Variants in SUFU observed in about 807,000 individuals in gnomAD.
SUFU encodes the protein suppressor of fused homolog.
SUFU carries 7 observed loss-of-function variants against 58.9 expected under a neutral mutation model. The observed-to-expected ratio is 0.12, with a 90% CI of 0.07 to 0.22. The LOEUF (loss-of-function observed/expected upper bound fraction) is 0.22, where lower values mean the gene tolerates loss of function less well. SUFU is among the 10% of genes least tolerant of loss of function. The pLI, the probability that SUFU is intolerant of heterozygous loss-of-function variation, is 1.00. For missense variants in SUFU, 451 were observed against 641.3 expected (o/e 0.70, Z 3.20); for synonymous variants, 232 against 254.8 (o/e 0.91, Z 0.85).
At chr10:102,538,461 A>G (rs558840698) in intron 2 of SUFU, among the ~76,000 whole-genome samples, 29 of 152,156 alleles carry the variant, frequency 1.9e-4, no homozygotes, top group Non-Finnish European at 4.0e-4. Context: ...GTGCTGTTCT[A>G]AGTGTTTTCT....
chr10:102,540,717 A>AATATAT (rs35189970), intron 2 of SUFU, among the ~76,000 whole-genome samples: 1 of 149,442 alleles, frequency 6.7e-6, no homozygotes, highest in South Asian at 2.1e-4. Flanking sequence ...CTGCCTTTAA[A>AATATAT]ATATATATAT....
intron 7 of SUFU, among the ~76,000 whole-genome samples, chr10:102,598,002 T>G (rs2063481014): frequency 6.6e-6 from 1 of 152,380 alleles, no homozygotes; most frequent in South Asian, 2.1e-4. Flanking sequence ...CTTTGTCTAC[T>G]TCCTTTCTTC....
intron 8 of SUFU, among the ~76,000 whole-genome samples, chr10:102,612,858 A>G (rs1047555153): frequency 2.6e-5 from 4 of 152,142 alleles, no homozygotes; most frequent in African/African-American, 2.4e-5. Flanking sequence ...AGGCTTGACA[A>G]CAGAGCCTAC....
intron 3 of SUFU, among the ~76,000 whole-genome samples, chr10:102,576,564 C>T (rs1344037587): frequency 6.6e-6 from 1 of 152,126 alleles, no homozygotes; most frequent in African/African-American, 2.4e-5. Context: ...TTATTCATTC[C>T]TCCTTGTGAC....
chr10:102,595,584 T>A lies in SUFU; in HGVS notation c.756+1519T>A, dbSNP rs545613299. Among the ~76,000 whole-genome samples the A allele has an allele frequency of 1.2e-4, 4 of 33,280 alleles. No individual in the cohort carries two copies. The East Asian group carries it at 3.8e-3, about 32-fold the overall frequency. The allele number at this position is 33,280 out of a possible 152,430, so 21.8% of individuals were successfully genotyped here. A position where few individuals can be genotyped will look rare whatever the true frequency, so the allele number is the denominator to read the frequency against. ...AGTAGGGTAAACAGCTGTCCTTCCA[T>A]GCCAAGGGCTGTTCTTCCTAGTCTG... On this transcript the variant is annotated intron_variant, in intron 6 of 11. Transcript: ENST00000369902.
At chr10:102,588,004 C>CT (rs2063352052) in intron 3 of SUFU, among the ~76,000 whole-genome samples, 1 of 152,162 alleles carries the variant, frequency 6.6e-6, no homozygotes, top group South Asian at 2.1e-4. Context: ...GAAAGAGCTC[C>CT]AACTTTATCC....
At chr10:102,613,543 A>G (rs7908249) in intron 8 of SUFU, among the ~76,000 whole-genome samples, 68,995 of 152,170 alleles carry the variant, frequency 0.45, 16,041 homozygotes, top group East Asian at 0.67. Flanking sequence ...CTAGCCCCGC[A>G]ACGTGTGAGG....
chr10:102,617,507 C>A lies in SUFU; in HGVS notation c.1296+79C>A, dbSNP rs1285840525. 3.0e-5 allele frequency: 47 copies of A among 1,591,086 alleles called. No homozygotes were observed. Among genetic ancestry groups the A allele is most frequent in the Non-Finnish European group, 4.1e-5 (47 of 1,159,640 alleles). The stretch of plus-strand genomic sequence containing the variant: ...CCCCTCCTCTTCTCCCTTGGCAGCT[C>A]TTGATGGCACCCCTTCCTGGGGGGC... On this transcript the variant is annotated intron_variant, in intron 10 of 11. Coordinates refer to ENST00000369902, the MANE Select transcript of SUFU (RefSeq NM_016169.4). The surrounding 1 kb of genome is among the most constrained non-coding windows in gnomAD (Gnocchi z 4.4).
chr10:102,536,364 T>C lies in SUFU; in HGVS notation c.318-13606T>C, dbSNP rs1320174177. ...GTAGCCACTATAATAATTTTATTGC[T>C]TTTTTTTTTTTTTTTTTTGAGACAG... On this transcript the variant is annotated intron_variant, in intron 2 of 11. Coordinates refer to ENST00000369902, the MANE Select transcript of SUFU (RefSeq NM_016169.4). Among the ~76,000 whole-genome samples, 25 of 9,572 alleles carry C rather than the reference T, an allele frequency of 2.6e-3. No homozygotes were observed. The East Asian group carries it at 0.14, about 54-fold the overall frequency. The allele number at this position is 9,572 out of a possible 152,430, so 6.3% of individuals were successfully genotyped here. A position where few individuals can be genotyped will look rare whatever the true frequency, so the allele number is the denominator to read the frequency against.
At chr10:102,600,761 C>T (rs4917976) in intron 8 of SUFU, among the ~76,000 whole-genome samples, 68,943 of 152,018 alleles carry the variant, frequency 0.45, 16,035 homozygotes, top group East Asian at 0.68. Flanking sequence ...TGGGACCTGA[C>T]TGGAACTAGA....
At chr10:102,519,563 G>A (rs1236909686) in intron 2 of SUFU, among the ~76,000 whole-genome samples, 3 of 148,496 alleles carry the variant, frequency 2.0e-5, no homozygotes, top group Non-Finnish European at 3.0e-5. Context: ...CAACCTTATC[G>A]TAGTCATTTA....
At chr10:102,536,339 G>A (rs1285696573) in intron 2 of SUFU, among the ~76,000 whole-genome samples, 3 of 147,888 alleles carry the variant, frequency 2.0e-5, no homozygotes, top group East Asian at 4.0e-4. Context: ...TTATACTGTA[G>A]TAGCCACTAT....
chr10:102,553,756 C>T (rs1006174647), intron 3 of SUFU, among the ~76,000 whole-genome samples: 59 of 150,466 alleles, frequency 3.9e-4, no homozygotes, highest in South Asian at 1.1e-3. Context: ...AGCCACCGCG[C>T]CCGGCCACAA....
At chr10:102,615,680 C>T (rs564788408) in intron 9 of SUFU, among the ~76,000 whole-genome samples, 3 of 152,332 alleles carry the variant, frequency 2.0e-5, no homozygotes, top group Non-Finnish European at 2.9e-5. Context: ...CAGCCAGTCG[C>T]CCCCATGTCA....
At chr10:102,520,242 A>C (rs1274296124) in intron 2 of SUFU, among the ~76,000 whole-genome samples, 1 of 109,648 alleles carries the variant, frequency 9.1e-6, no homozygotes. Context: ...TTTGAGGCAG[A>C]GTTTCACTCT....
chr10:102,627,195 T>C lies in SUFU; in HGVS notation c.1317T>C (p.Phe439=), dbSNP rs748603932. 6 of 1,614,230 alleles carry C rather than the reference T, an allele frequency of 3.7e-6. No homozygotes were observed. In the Admixed American group the frequency reaches 8.3e-5, roughly 22 times the overall value. ...CACAGATTCTGTTGACCGAAGAGTT[T>C]GTAGAGAAAATGTTGGAGGATTTAG... ...PWLQILLTEE[F]VEKMLEDLED... The change falls in exon 11 of 12, where the codon TTT becomes TTC. Residue 439 remains phenylalanine, a synonymous_variant. Transcript: ENST00000369902.
chr10:102,549,625 G>A (rs1379946742), intron 2 of SUFU, among the ~76,000 whole-genome samples: 3 of 152,184 alleles, frequency 2.0e-5, no homozygotes, highest in Non-Finnish European at 1.5e-5. Context: ...GGAATAAGGA[G>A]CATGAACAAG....
intron 2 of SUFU, among the ~76,000 whole-genome samples, chr10:102,532,044 C>T (rs2062683197): frequency 6.6e-6 from 1 of 151,968 alleles, no homozygotes; most frequent in Admixed American, 6.6e-5. Context: ...CTCACTGCAG[C>T]CTCTGCCTCC....
Position 102,601,781 on chromosome 10 carries a change from C to T in SUFU, c.1022+2237C>T, listed in dbSNP as rs2063517138. ...GGGACCTGACCCCATTTCACATACA[C>T]CACATGGATTGCAACTGAGAAAGCT... On this transcript the variant is annotated intron_variant, in intron 8 of 11. Coordinates refer to ENST00000369902, the MANE Select transcript of SUFU (RefSeq NM_016169.4). Among the ~76,000 whole-genome samples, 3 of 152,274 alleles carry T rather than the reference C, an allele frequency of 2.0e-5. 1 individual carries two copies. In the South Asian group the frequency reaches 6.2e-4, roughly 32 times the overall value.
Sources: allele counts gnomAD v4.1 joint callset (sites outside exome capture counted in the v4.1 genomes callset), GRCh38; gene constraint gnomAD v4.1.1; non-coding constraint Gnocchi (gnomAD v3.1); transcripts MANE v1.5; gene names NCBI Gene and HGNC (gene_info 2026-07-23, HGNC 2026-07-21).